The following FRMPD4 variants were observed in gnomAD, a reference collection of about 807,000 sequenced individuals.
FRMPD4 encodes FERM and PDZ domain-containing protein 4.
In FRMPD4, 22 loss-of-function variants were observed where a neutral mutation model predicts 94.1. The observed-to-expected ratio is 0.23, with a 90% confidence interval of 0.17 to 0.33. The LOEUF (loss-of-function observed/expected upper bound fraction) is 0.33. Ranked by LOEUF, FRMPD4 falls within the 10% of genes least tolerant of loss-of-function variation. The pLI, the probability that FRMPD4 is intolerant of heterozygous loss-of-function variation, is 1.00. For missense variants in FRMPD4, 1,111 were observed against 1,339.9 expected (o/e 0.83, Z 2.67); for synonymous variants, 631 against 548.6 (o/e 1.15, Z -2.10).
intron 1 of FRMPD4, among the ~76,000 whole-genome samples, chrX:12,416,802 G>C (rs2056807030): frequency 9.0e-6 from 1 of 111,541 alleles, no homozygotes; most frequent in South Asian, 3.7e-4. Context: ...CTGTGTCTTT[G>C]TCTGGTTGTA....
intron 1 of FRMPD4, among the ~76,000 whole-genome samples, chrX:12,256,079 C>T (rs771737285): frequency 2.9e-4 from 32 of 112,054 alleles, no homozygotes; most frequent in East Asian, 8.4e-4. Flanking sequence ...GTTACGTATA[C>T]ATGTGCTTGA....
At chrX:12,218,419 A>G (rs1004149755) in intron 1 of FRMPD4, among the ~76,000 whole-genome samples, 4 of 111,738 alleles carry the variant, frequency 3.6e-5, no homozygotes, top group South Asian at 3.7e-4. Context: ...CTTATGACCT[A>G]TTGTGCAAAG....
intron 1 of FRMPD4, among the ~76,000 whole-genome samples, chrX:11,860,286 C>G (rs2053678810): frequency 8.9e-6 from 1 of 111,937 alleles, no homozygotes; most frequent in Non-Finnish European, 1.9e-5. Flanking sequence ...GGCTAATCAC[C>G]TTTTTGATTG....
chrX:12,155,431 C>T (rs148612467), intron 1 of FRMPD4, among the ~76,000 whole-genome samples: 1,927 of 109,711 alleles, frequency 0.018, 50 homozygotes, highest in African/African-American at 0.061. Context: ...TTTTATCTCA[C>T]ATAAGAAATC....
At chrX:11,876,901 C>A (rs1005336735) in intron 2 of FRMPD4, among the ~76,000 whole-genome samples, 4 of 112,472 alleles carry the variant, frequency 3.6e-5, no homozygotes, top group Non-Finnish European at 7.5e-5. Flanking sequence ...TGTCTGAAGA[C>A]ACTTTTAGTT....
chrX:12,079,456 T>C (rs903252226), intron 3 of FRMPD4, among the ~76,000 whole-genome samples: 3 of 111,715 alleles, frequency 2.7e-5, no homozygotes, highest in African/African-American at 9.8e-5. Context: ...AATGAATCTG[T>C]ACACAAGATC....
chrX:12,109,280 T>C (rs2055332121), intron 3 of FRMPD4, among the ~76,000 whole-genome samples: 1 of 111,767 alleles, frequency 8.9e-6, no homozygotes, highest in Non-Finnish European at 1.9e-5. Flanking sequence ...CACTCAAAAC[T>C]GCTCAACTAC....
At chrX:12,619,711 C>T (rs1040315920) in intron 4 of FRMPD4, among the ~76,000 whole-genome samples, 2 of 112,313 alleles carry the variant, frequency 1.8e-5, no homozygotes, top group Non-Finnish European at 3.8e-5. Context: ...GATCTGCTGA[C>T]CTTGGCCCCA....
At chrX:12,558,003 G>A (rs968824996) in intron 2 of FRMPD4, among the ~76,000 whole-genome samples, 7 of 112,524 alleles carry the variant, frequency 6.2e-5, no homozygotes, top group African/African-American at 2.3e-4. Flanking sequence ...AGATGATGAA[G>A]TCAACCACAG....
intron 1 of FRMPD4, among the ~76,000 whole-genome samples, chrX:12,229,187 T>C (rs2056956672): frequency 8.9e-6 from 1 of 111,830 alleles, no homozygotes; most frequent in Non-Finnish European, 1.9e-5. Context: ...GTGGCTAAAA[T>C]TGTGATGTGA....
chrX:12,207,816 G>A (rs1371367061), intron 1 of FRMPD4, among the ~76,000 whole-genome samples: 2 of 111,226 alleles, frequency 1.8e-5, no homozygotes, highest in Non-Finnish European at 3.8e-5. Context: ...CCTAAACTAT[G>A]CACATGCAGG....
intron 3 of FRMPD4, among the ~76,000 whole-genome samples, chrX:11,994,562 C>T (rs1461847511): frequency 2.7e-5 from 3 of 110,894 alleles, no homozygotes; most frequent in Non-Finnish European, 3.8e-5. Flanking sequence ...ATTTGACTTA[C>T]GGGGGGAGCT....
At chrX:12,203,090 C>G (rs1456750454) in intron 1 of FRMPD4, among the ~76,000 whole-genome samples, 1 of 111,695 alleles carries the variant, frequency 9.0e-6, no homozygotes, top group African/African-American at 3.3e-5. Context: ...GCAATGTCTC[C>G]CACTTGATGT....
intron 1 of FRMPD4, among the ~76,000 whole-genome samples, chrX:11,859,085 C>G (rs2053669853): frequency 8.9e-6 from 1 of 112,064 alleles, no homozygotes; most frequent in South Asian, 3.7e-4. Context: ...GCTTCCTCAC[C>G]ATGTTCTTCA....
chrX:12,266,781 A>T (rs988485348), intron 1 of FRMPD4, among the ~76,000 whole-genome samples: 4 of 111,992 alleles, frequency 3.6e-5, no homozygotes, highest in Non-Finnish European at 1.9e-5. Flanking sequence ...AATATGAGAG[A>T]TGTACCTCCT....
intron 1 of FRMPD4, among the ~76,000 whole-genome samples, chrX:11,847,929 G>A (rs1401312353): frequency 9.8e-6 from 1 of 101,725 alleles, no homozygotes. Context: ...TATACCTAAT[G>A]CTAAATGACG....
intron 1 of FRMPD4, among the ~76,000 whole-genome samples, chrX:12,366,504 G>A (rs1383271747): frequency 8.9e-6 from 1 of 111,956 alleles, no homozygotes; most frequent in Admixed American, 9.4e-5. Context: ...GTGGGAGTTT[G>A]CAGCAGTTGT....
intron 3 of FRMPD4, among the ~76,000 whole-genome samples, chrX:11,898,304 G>A (rs1435341125): frequency 8.9e-6 from 1 of 111,829 alleles, no homozygotes; most frequent in African/African-American, 3.3e-5. Flanking sequence ...GGACAGGGGT[G>A]GAAGTGAGGA....
At chrX:11,857,858 A>G (rs1340488820) in intron 1 of FRMPD4, among the ~76,000 whole-genome samples, 3 of 112,753 alleles carry the variant, frequency 2.7e-5, no homozygotes. Flanking sequence ...AAACAAATTT[A>G]CAAAACAAAG....
Sources: gnomAD v4.1 joint callset for allele counts (sites outside exome capture counted in the v4.1 genomes callset) on GRCh38, gnomAD v4.1.1 for gene constraint, MANE v1.5 for transcripts, NCBI Gene and HGNC (gene_info 2026-07-23, HGNC 2026-07-21) for gene names.